Variants in ZNF292 observed in about 807,000 individuals in gnomAD.
ZNF292 encodes the protein 16 zinc-finger domain protein.
Under a neutral mutation model 217.9 loss-of-function variants are expected in ZNF292, and 26 were observed. The observed-to-expected ratio is 0.12, with a 90% CI of 0.09 to 0.17. ZNF292 has a LOEUF of 0.17. Among genes scored for constraint, ZNF292 ranks in the 10% least tolerant of loss-of-function variants. The pLI is 1.00. For synonymous variants in ZNF292, 1,257 were observed against 1,124.1 expected (o/e 1.12, Z -2.37); for missense variants, 2,904 against 3,175.2 (o/e 0.91, Z 2.05).
chr6:87,262,766 A>ATT lies in ZNF292; in HGVS notation c.*970_*971dup. 1 of 151,972 alleles carries ATT rather than the reference A, an allele frequency of 6.6e-6. No homozygotes were observed. The highest frequency in any genetic ancestry group is 2.1e-4 in the South Asian group (1 of 4,830). 9.4% of individuals were successfully genotyped at this position (151,972 alleles called of 1,614,324 possible). A position where few individuals can be genotyped will look rare whatever the true frequency, so the allele number is the denominator to read the frequency against. On this transcript the variant is annotated 3_prime_UTR_variant, in exon 8 of 8. Coordinates refer to ENST00000369577, the MANE Select transcript of ZNF292 (RefSeq NM_015021.3). The stretch of plus-strand genomic sequence containing the variant: ...GTTTTATACATGTGATCTTATAAAG[A>ATT]TTTTTTGTTTTGTTTTGTTTTCCAT...
intron 1 of ZNF292, among the ~76,000 whole-genome samples, chr6:87,168,790 G>T (rs961413735): frequency 6.6e-6 from 1 of 152,018 alleles, no homozygotes; most frequent in Non-Finnish European, 1.5e-5. Flanking sequence ...TTTATATTTA[G>T]AAAGAGGTAA....
chr6:87,233,231 A>G (rs1224762569), intron 4 of ZNF292, 94 bp from the exon 5 acceptor site: 4 of 900,504 alleles, frequency 4.4e-6, no homozygotes, highest in Non-Finnish European at 6.6e-6. Context: ...AAAGCATTTT[A>G]GTTCCCGTGT....
intron 4 of ZNF292, among the ~76,000 whole-genome samples, chr6:87,227,059 T>C (rs1582454854): frequency 6.6e-6 from 1 of 152,194 alleles, no homozygotes; most frequent in Non-Finnish European, 1.5e-5. Flanking sequence ...TTAAATCTTA[T>C]TTTACGCAAA....
intron 1 of ZNF292, among the ~76,000 whole-genome samples, chr6:87,192,829 C>T (rs1476808289): frequency 6.6e-6 from 1 of 152,122 alleles, no homozygotes; most frequent in African/African-American, 2.4e-5. Context: ...CCATCAGGAA[C>T]AGTATTGCAT....
intron 4 of ZNF292, among the ~76,000 whole-genome samples, chr6:87,225,001 GC>G (rs1484857488): frequency 2.0e-5 from 3 of 152,002 alleles, no homozygotes; most frequent in Non-Finnish European, 4.4e-5. Context: ...AATTCCTTTT[GC>G]CCCATACCCT....
chr6:87,211,850 C>T (rs1344408973), intron 1 of ZNF292, among the ~76,000 whole-genome samples: 4 of 152,180 alleles, frequency 2.6e-5, no homozygotes, highest in Non-Finnish European at 5.9e-5. Flanking sequence ...CTCCCCCCAA[C>T]TCATCTTCAA....
chr6:87,258,546 T>C lies in ZNF292; in HGVS notation c.4917T>C (p.Ile1639=). The C allele has an allele frequency of 6.2e-7, 1 of 1,613,684 alleles. No individual in the cohort carries two copies. The highest frequency in any genetic ancestry group is 8.5e-7 in the Non-Finnish European group (1 of 1,179,766). The change falls in exon 8 of 8, where the codon ATT becomes ATC. Residue 1639 remains isoleucine (I), a synonymous_variant. Coordinates refer to ENST00000369577, the MANE Select transcript of ZNF292 (RefSeq NM_015021.3). ...KRRKKVAPPL[I]APNASQNLVT... ...GAAAGAAAGTTGCTCCTCCACTAAT[T>C]GCACCTAACGCTTCCCAAAACTTGG...
In ZNF292 at chr6:87,257,303, G is replaced by A; in HGVS notation, c.3674G>A (p.Gly1225Asp). 1 of 1,613,632 alleles carries A rather than the reference G, an allele frequency of 6.2e-7. No individual in the cohort carries two copies. The highest frequency in any genetic ancestry group is 2.2e-5 in the East Asian group (1 of 44,874). Residue 1225 changes from glycine (G) to aspartate (D), a missense_variant, in exon 8 of 8, where the codon GGT becomes GAT. By Grantham distance (94) the Gly-to-Asp change is moderately conservative. This residue lies in a region of ZNF292 where 687 missense variants were observed against 623.0 expected (regional missense o/e 1.10). Transcript: ENST00000369577. ...TCTCAGGATAAAAATGAACAAGGTG[G>A]TATGTTATGTTCCCAAATGGAAAAT... Reference protein sequence around the residue: ...ITSQDKNEQGGMLCSQMENLP... With the variant: ...ITSQDKNEQGDMLCSQMENLP...
intron 4 of ZNF292, among the ~76,000 whole-genome samples, chr6:87,224,919 CTG>C (rs920702043): frequency 5.7e-4 from 86 of 152,112 alleles, no homozygotes; most frequent in African/African-American, 1.9e-3. Context: ...TATGGTAAGA[CTG>C]TGTTTAGCTT....
At chr6:87,248,505 A>T (rs1261866448) in intron 7 of ZNF292, among the ~76,000 whole-genome samples, 1 of 152,156 alleles carries the variant, frequency 6.6e-6, no homozygotes, top group Non-Finnish European at 1.5e-5. Context: ...CTAGTTGGGA[A>T]GCTGAGGCTA....
intron 5 of ZNF292, among the ~76,000 whole-genome samples, chr6:87,235,339 A>T (rs951409629): frequency 1.3e-5 from 2 of 152,092 alleles, no homozygotes; most frequent in Non-Finnish European, 2.9e-5. Flanking sequence ...CCTGCCCTTA[A>T]GGTTCATCTG....
intron 1 of ZNF292, among the ~76,000 whole-genome samples, chr6:87,204,884 G>A (rs1772200770): frequency 6.6e-6 from 1 of 151,928 alleles, no homozygotes; most frequent in Non-Finnish European, 1.5e-5. Context: ...TTTTTAAATC[G>A]CTGTGTATGT....
At chr6:87,168,185 C>A (rs372737692) in intron 1 of ZNF292, among the ~76,000 whole-genome samples, 2 of 152,280 alleles carry the variant, frequency 1.3e-5, no homozygotes, top group East Asian at 1.9e-4. Flanking sequence ...CCTATGAGAT[C>A]ATAGGATTCA....
At chr6:87,223,730 C>T (rs1350825617) in intron 4 of ZNF292, 2 of 152,136 alleles carry the variant, frequency 1.3e-5, no homozygotes, top group Non-Finnish European at 2.9e-5. Flanking sequence ...GCAGCTCTTT[C>T]CTTTGACTCT....
intron 1 of ZNF292, among the ~76,000 whole-genome samples, chr6:87,204,100 A>T (rs1241752578): frequency 6.6e-6 from 1 of 152,206 alleles, no homozygotes; most frequent in Non-Finnish European, 1.5e-5. Context: ...ACTAAAGCCA[A>T]ATTGAGGGAT....
chr6:87,204,066 G>T (rs1455187767), intron 1 of ZNF292, among the ~76,000 whole-genome samples: 1 of 152,136 alleles, frequency 6.6e-6, no homozygotes, highest in Non-Finnish European at 1.5e-5. Flanking sequence ...AAAATGCGTA[G>T]CCTAAATCTA....
intron 4 of ZNF292, chr6:87,223,032 C>T (rs890254866): frequency 4.7e-6 from 1 of 213,674 alleles, no homozygotes; most frequent in Non-Finnish European, 1.0e-5. Context: ...TATCTGTTGT[C>T]AACATGACTT....
chr6:87,180,256 G>A (rs1484692400), intron 1 of ZNF292, among the ~76,000 whole-genome samples: 1 of 152,260 alleles, frequency 6.6e-6, no homozygotes, highest in East Asian at 1.9e-4. Context: ...TGTTGAACAA[G>A]CTTGCCTTCG....
At chr6:87,211,342 T>C (rs983189873) in intron 1 of ZNF292, among the ~76,000 whole-genome samples, 8 of 152,218 alleles carry the variant, frequency 5.3e-5, no homozygotes, top group Admixed American at 2.6e-4. Context: ...TCCTCTCTTA[T>C]GTGACAAGCC....
Sources: allele counts gnomAD v4.1 joint callset (sites outside exome capture counted in the v4.1 genomes callset), GRCh38; gene constraint gnomAD v4.1.1; regional missense constraint gnomAD v4.1.1; transcripts MANE v1.5; gene names NCBI Gene and HGNC (gene_info 2026-07-23, HGNC 2026-07-21).